RBFOX3: variants seen among roughly 807,000 people sequenced by gnomAD.
RBFOX3 encodes the protein RNA binding protein fox-1 homolog 3.
A neutral mutation model predicts 48.7 loss-of-function variants in RBFOX3; 17 were observed. The observed-to-expected ratio is 0.35, with a 90% CI of 0.24 to 0.52. The LOEUF is 0.52. RBFOX3 is among the 20% of genes least tolerant of loss of function. RBFOX3 has a pLI of 0.94. For synonymous variants in RBFOX3, 212 were observed against 209.5 expected, an observed-to-expected ratio of 1.01 and a Z score of -0.10; for missense variants, 382 against 497.5, an observed-to-expected ratio of 0.77 and a Z score of 2.21.
At chr17:79,355,987 C>G (rs2084908857) in intron 2 of RBFOX3, among the ~76,000 whole-genome samples, 1 of 152,218 alleles carries the variant, frequency 6.6e-6, no homozygotes, top group African/African-American at 2.4e-5. Flanking sequence ...TTTCCATAGT[C>G]TGACATCTGG....
chr17:79,287,450 G>T (rs759640372), intron 3 of RBFOX3, among the ~76,000 whole-genome samples: 3 of 152,168 alleles, frequency 2.0e-5, no homozygotes, highest in African/African-American at 4.8e-5. Flanking sequence ...GATCCGAGGG[G>T]TTGTCACATA....
rs1457650404 is a variant in RBFOX3, at chr17:79,361,891, C to T, written c.-174-54067G>A. On this transcript the variant is annotated intron_variant, in intron 2 of 14. Coordinates refer to ENST00000693108, the MANE Select transcript of RBFOX3 (RefSeq NM_001350451.2). The surrounding 1 kb of genome is among the most constrained non-coding windows in gnomAD (Gnocchi z 4.5). ...AGATTTCTCTGTTTCTTTATTTGTTCATTAAAACTTCAATAAAAATGTTAT... is the reference window on the plus strand; with the variant it reads ...AGATTTCTCTGTTTCTTTATTTGTTTATTAAAACTTCAATAAAAATGTTAT... Among the ~76,000 whole-genome samples the T allele has an allele frequency of 2.0e-5, 3 of 152,196 alleles. No homozygotes were observed. The highest frequency in any genetic ancestry group is 4.4e-5 in the Non-Finnish European group (3 of 68,026).
intron 1 of RBFOX3, among the ~76,000 whole-genome samples, chr17:79,483,503 C>A (rs1168025014): frequency 7.2e-6 from 1 of 139,156 alleles, no homozygotes; most frequent in African/African-American, 2.8e-5. Flanking sequence ...ACATATGGCA[C>A]CTTTCCAAGG....
intron 1 of RBFOX3, among the ~76,000 whole-genome samples, chr17:79,492,420 A>C (rs983421184): frequency 1.3e-5 from 2 of 152,108 alleles, no homozygotes; most frequent in Non-Finnish European, 2.9e-5. Context: ...TCTTTCTCTC[A>C]CTCTGGAGGA....
chr17:79,138,104 T>C (rs1446245141), intron 4 of RBFOX3, among the ~76,000 whole-genome samples: 2 of 152,064 alleles, frequency 1.3e-5, no homozygotes, highest in Non-Finnish European at 2.9e-5. Context: ...TGGGCAGGTC[T>C]GATCTGCAGC....
intron 2 of RBFOX3, among the ~76,000 whole-genome samples, chr17:79,388,486 C>T (rs1157596699): frequency 6.6e-6 from 1 of 152,226 alleles, no homozygotes; most frequent in South Asian, 2.1e-4. Context: ...GCCTTCCCAC[C>T]TGCATGCGCC....
chr17:79,467,587 G>T (rs1023777815), intron 2 of RBFOX3, among the ~76,000 whole-genome samples: 7 of 152,184 alleles, frequency 4.6e-5, no homozygotes, highest in African/African-American at 1.7e-4. Flanking sequence ...GAGGCTTACC[G>T]CCACCAGCAG....
chr17:79,449,366 C>T (rs1331264170), intron 2 of RBFOX3, among the ~76,000 whole-genome samples: 4 of 151,968 alleles, frequency 2.6e-5, no homozygotes, highest in African/African-American at 9.7e-5. Flanking sequence ...CGGGCTGTCC[C>T]CAAACTTTCT....
intron 1 of RBFOX3, among the ~76,000 whole-genome samples, chr17:79,499,781 T>A (rs1015990771): frequency 6.6e-6 from 1 of 152,236 alleles, no homozygotes; most frequent in Non-Finnish European, 1.5e-5. Context: ...GGCAGGTACA[T>A]AGTTAGCATT....
intron 2 of RBFOX3, among the ~76,000 whole-genome samples, chr17:79,387,324 GT>G (rs1204665988): frequency 1.3e-5 from 2 of 152,160 alleles, no homozygotes; most frequent in African/African-American, 2.4e-5. Flanking sequence ...ATCCTTAAAG[GT>G]TAAGAAAAAT....
Position 79,103,206 on chromosome 17 carries a change from G to A in RBFOX3, c.463C>T (p.Arg155Trp). 6.4e-7 allele frequency: 1 copy of A among 1,551,388 alleles called. No individual in the cohort carries two copies. The highest frequency in any genetic ancestry group is 8.7e-7 in the Non-Finnish European group (1 of 1,146,916). The change falls in exon 8 of 15, where the codon CGG becomes TGG. Residue 155 changes from arginine to tryptophan, a missense_variant. Coordinates refer to ENST00000693108, the MANE Select transcript of RBFOX3 (RefSeq NM_001350451.2). This position sits in a 1 kb window ranked among gnomAD's most constrained non-coding sequence, Gnocchi z 6.1. ...ACGATCGTCCCATTCAGCTTCTCCC[G>A]GGCTCGGTCAGCATCTGAGCTAGTT... ...FETSSDADRA[R>W]EKLNGTIVEG...
At chr17:79,576,024 G>T (rs1161917452) in intron 1 of RBFOX3, among the ~76,000 whole-genome samples, 1 of 152,218 alleles carries the variant, frequency 6.6e-6, no homozygotes, top group Non-Finnish European at 1.5e-5. Flanking sequence ...GAATCTGGGT[G>T]TTGCTGAGAT....
At chr17:79,513,910 C>T (rs1368051999) in intron 1 of RBFOX3, among the ~76,000 whole-genome samples, 1 of 152,224 alleles carries the variant, frequency 6.6e-6, no homozygotes, top group Non-Finnish European at 1.5e-5. Context: ...CAGCTCACCC[C>T]TGCTTCCCCT....
chr17:79,182,845 C>T (rs1194771275), intron 4 of RBFOX3, among the ~76,000 whole-genome samples: 1 of 151,096 alleles, frequency 6.6e-6, no homozygotes, highest in Non-Finnish European at 1.5e-5. Flanking sequence ...CTCTGCGCGC[C>T]CCCCGGCTTT....
intron 4 of RBFOX3, among the ~76,000 whole-genome samples, chr17:79,213,347 G>A (rs2058621848): frequency 6.6e-6 from 1 of 152,190 alleles, no homozygotes; most frequent in African/African-American, 2.4e-5. Flanking sequence ...CCACAGCCCT[G>A]CAGATTCCAC....
intron 4 of RBFOX3, among the ~76,000 whole-genome samples, chr17:79,192,536 G>A (rs2054722247): frequency 1.3e-5 from 2 of 152,200 alleles, no homozygotes; most frequent in Admixed American, 1.3e-4. Flanking sequence ...TGCTGCTGCT[G>A]CCTGATAACC....
intron 1 of RBFOX3, among the ~76,000 whole-genome samples, chr17:79,593,871 C>T (rs1327956225): frequency 5.9e-5 from 9 of 152,138 alleles, no homozygotes; most frequent in Non-Finnish European, 1.3e-4. Flanking sequence ...ATGGCACCAG[C>T]AGGCTCCAGG....
chr17:79,115,508 TC>T lies in RBFOX3; in HGVS notation c.207del (p.Thr70ProfsTer57). ...GGGGCCCTTACCGGCACTGTCTGGG[TC>T]CCGGCGATGGGCTGTGTGCTGGCCT... ...GSEASTQPIA[G>X]TQTVPQTDEA... On this transcript the variant is annotated frameshift_variant, in exon 5 of 15. Coordinates refer to ENST00000693108, the MANE Select transcript of RBFOX3 (RefSeq NM_001350451.2). LOFTEE classifies it high-confidence loss of function. 1.5e-6 allele frequency: 2 copies of T among 1,336,150 alleles called. No homozygotes were observed. The allele number at this position is 1,336,150 out of a possible 1,614,324, so 82.8% of individuals were successfully genotyped here.
rs1452013240 is a variant in RBFOX3 at position 79,172,162 on chromosome 17, A to T, written c.-33-56414T>A. Among the ~76,000 whole-genome samples, 6 of 131,346 alleles carry T rather than the reference A, an allele frequency of 4.6e-5. No individual in the cohort carries two copies. The East Asian group carries it at 1.3e-3, about 28-fold the overall frequency. The allele number at this position is 131,346 out of a possible 152,430, so 86.2% of individuals were successfully genotyped here. A position where few individuals can be genotyped will look rare whatever the true frequency, so the allele number is the denominator to read the frequency against. On this transcript the variant is annotated intron_variant, in intron 4 of 14. Transcript: ENST00000693108. ...GCACTCCAGCCTGGGCGACAGAGTGAGAGTCCGTCTCAAAAAAAAAAAAAA... is the reference window on the plus strand; with the variant it reads ...GCACTCCAGCCTGGGCGACAGAGTGTGAGTCCGTCTCAAAAAAAAAAAAAA...
Sources: allele counts gnomAD v4.1 joint callset (sites outside exome capture counted in the v4.1 genomes callset), GRCh38; gene constraint gnomAD v4.1.1; non-coding constraint Gnocchi (gnomAD v3.1); transcripts MANE v1.5; gene names NCBI Gene and HGNC (gene_info 2026-07-23, HGNC 2026-07-21).